Variants in MSI2 observed in about 807,000 individuals in gnomAD.
MSI2 encodes the protein musashi RNA binding protein 2.
Under a neutral mutation model 45.6 loss-of-function variants are expected in MSI2, and 17 were observed. That is an observed-to-expected ratio of 0.37 (90% CI 0.26 to 0.56). The LOEUF (loss-of-function observed/expected upper bound fraction) is 0.56. Among genes scored for constraint, MSI2 ranks in the 20% least tolerant of loss-of-function variants. The pLI is 0.77. For missense variants in MSI2, 293 were observed against 444.2 expected (o/e 0.66, Z 3.06); for synonymous variants, 156 against 158.2 (o/e 0.99, Z 0.11).
At chr17:57,328,305 G>A (rs72830856) in intron 5 of MSI2, among the ~76,000 whole-genome samples, 14,873 of 143,148 alleles carry the variant, frequency 0.1, 775 homozygotes, top group South Asian at 0.12. Flanking sequence ...ATCCATCCAT[G>A]CATCCATTTA....
intron 7 of MSI2, among the ~76,000 whole-genome samples, chr17:57,530,131 C>CA (rs761892520): frequency 5.2e-4 from 79 of 152,144 alleles, no homozygotes; most frequent in Non-Finnish European, 9.1e-4. Flanking sequence ...TCTAAAGAGC[C>CA]AAAAAATCAA....
intron 6 of MSI2, among the ~76,000 whole-genome samples, chr17:57,418,759 C>T (rs1329657973): frequency 1.3e-5 from 2 of 152,176 alleles, no homozygotes; most frequent in Non-Finnish European, 2.9e-5. Context: ...TGCTCACTCA[C>T]ATCTATAAGC....
intron 5 of MSI2, among the ~76,000 whole-genome samples, chr17:57,269,832 G>A (rs540382412): frequency 3.9e-5 from 6 of 152,212 alleles, no homozygotes; most frequent in African/African-American, 1.2e-4. Flanking sequence ...GCTTGGGGTC[G>A]CCTTTGGCTG....
chr17:57,286,807 C>G (rs1412878541), intron 5 of MSI2, among the ~76,000 whole-genome samples: 3 of 152,044 alleles, frequency 2.0e-5, no homozygotes, highest in Non-Finnish European at 4.4e-5. Context: ...ATTTATTTTT[C>G]TGGTGAACAA....
chr17:57,412,253 G>A (rs1030579511), intron 6 of MSI2, among the ~76,000 whole-genome samples: 1 of 152,030 alleles, frequency 6.6e-6, no homozygotes, highest in African/African-American at 2.4e-5. Flanking sequence ...AGCCAGGCTG[G>A]TCTCGGACTC....
At chr17:57,362,382 T>C (rs1339104363) in intron 5 of MSI2, among the ~76,000 whole-genome samples, 2 of 152,242 alleles carry the variant, frequency 1.3e-5, no homozygotes, top group African/African-American at 4.8e-5. Context: ...CCTGTGGCAT[T>C]CCTGCAATGG....
In MSI2 at chr17:57,683,192, A is replaced by C; in HGVS notation, c.*3675A>C. 1 of 229,424 alleles carries C rather than the reference A, an allele frequency of 4.4e-6. No homozygotes were observed. The highest frequency in any genetic ancestry group is 8.6e-6 in the Non-Finnish European group (1 of 115,654). The allele number at this position is 229,424 out of a possible 1,614,324, so 14.2% of individuals were successfully genotyped here. Reference sequence around the variant, plus strand: ...CAATTTACTGTTTCACTGCACAGCAATCACAGCCAGTGAATGTTACACACA... The same window carrying C: ...CAATTTACTGTTTCACTGCACAGCACTCACAGCCAGTGAATGTTACACACA... On this transcript the variant is annotated 3_prime_UTR_variant, in exon 14 of 14. Coordinates refer to ENST00000284073, the MANE Select transcript of MSI2 (RefSeq NM_138962.4). The surrounding 1 kb of genome is among the most constrained non-coding windows in gnomAD (Gnocchi z 5.2).
chr17:57,312,606 T>C (rs1197553188), intron 5 of MSI2, among the ~76,000 whole-genome samples: 1 of 152,208 alleles, frequency 6.6e-6, no homozygotes, highest in African/African-American at 2.4e-5. Context: ...TTTCAGGTCC[T>C]GTGTGAGAAG....
chr17:57,594,724 T>A (rs1905122212), intron 7 of MSI2, among the ~76,000 whole-genome samples: 1 of 152,184 alleles, frequency 6.6e-6, no homozygotes, highest in African/African-American at 2.4e-5. Context: ...GGACAGCATT[T>A]CAAACCACGT....
chr17:57,589,113 A>G (rs1209699870), intron 7 of MSI2, among the ~76,000 whole-genome samples: 2 of 152,298 alleles, frequency 1.3e-5, no homozygotes, highest in East Asian at 1.9e-4. Context: ...CCCACCTTAC[A>G]AAGTCCACAT....
chr17:57,583,751 G>A (rs1472199528), intron 7 of MSI2, among the ~76,000 whole-genome samples: 5 of 152,154 alleles, frequency 3.3e-5, no homozygotes, highest in Non-Finnish European at 7.4e-5. Context: ...TGGGATCACA[G>A]ACATGAGCCA....
intron 5 of MSI2, among the ~76,000 whole-genome samples, chr17:57,350,224 G>GT (rs1403223895): frequency 2.1e-5 from 3 of 141,922 alleles, no homozygotes; most frequent in African/African-American, 8.7e-5. Flanking sequence ...CCAGAGGTAG[G>GT]GGTGTGTGTG....
At position 57,471,526 on chromosome 17, in the gene MSI2, A is replaced by G. The variant is rs980945425; in HGVS notation, c.406-58150A>G. Among the ~76,000 whole-genome samples, 46 of 152,044 alleles carry G rather than the reference A, an allele frequency of 3.0e-4. 1 individual carries two copies. ...GAACTTTATGGAGCACTTTCTGTGT[A>G]CAAGCATCGTACTCACAGGTGACCT... On this transcript the variant is annotated intron_variant, in intron 6 of 13. Transcript: ENST00000284073.
At chr17:57,562,207 C>T (rs2087594230) in intron 7 of MSI2, among the ~76,000 whole-genome samples, 1 of 152,226 alleles carries the variant, frequency 6.6e-6, no homozygotes, top group African/African-American at 2.4e-5. Flanking sequence ...TCCCTTCACC[C>T]ATCCGCACAT....
At chr17:57,685,861 A>G (rs889312679), downstream of MSI2, among the ~76,000 whole-genome samples, 1 of 152,212 alleles carries the variant, frequency 6.6e-6, no homozygotes, top group African/African-American at 2.4e-5. Flanking sequence ...AGCCAGACAC[A>G]TGAGGCCGGC....
chr17:57,555,935 T>C (rs2144215517), intron 7 of MSI2, among the ~76,000 whole-genome samples: 1 of 152,318 alleles, frequency 6.6e-6, no homozygotes, highest in Non-Finnish European at 1.5e-5. Flanking sequence ...CCACCACTTG[T>C]TGTGACTATT....
At chr17:57,373,624 G>A (rs1488747581) in intron 5 of MSI2, among the ~76,000 whole-genome samples, 1 of 152,164 alleles carries the variant, frequency 6.6e-6, no homozygotes, top group East Asian at 1.9e-4. Context: ...CAGCAGATCT[G>A]GGTCTTCAAA....
chr17:57,393,157 C>T (rs2083826174), intron 5 of MSI2, among the ~76,000 whole-genome samples: 2 of 152,166 alleles, frequency 1.3e-5, no homozygotes, highest in African/African-American at 2.4e-5. Context: ...GATCCCTAAT[C>T]TGAAAATCCA....
chr17:57,332,151 A>G (rs1176948599), intron 5 of MSI2, among the ~76,000 whole-genome samples: 1 of 143,944 alleles, frequency 6.9e-6, no homozygotes, highest in African/African-American at 2.6e-5. Flanking sequence ...CCCAGGCTGG[A>G]GTGCAGTGGC....
Sources: allele counts gnomAD v4.1 joint callset (sites outside exome capture counted in the v4.1 genomes callset), GRCh38; gene constraint gnomAD v4.1.1; non-coding constraint Gnocchi (gnomAD v3.1); transcripts MANE v1.5; gene names NCBI Gene and HGNC (gene_info 2026-07-23, HGNC 2026-07-21).